The following PRSS41 variants were observed in gnomAD, a reference collection of about 807,000 sequenced individuals.
PRSS41 encodes the protein serine protease 41, also known as protease, serine 41.
A neutral mutation model predicts 28.8 loss-of-function variants in PRSS41; 37 were observed. The observed-to-expected ratio is 1.29, with a 90% CI of 0.99 to 1.69. PRSS41 has a LOEUF of 1.69. PRSS41 is among the 40% of genes most tolerant of loss of function. PRSS41 has a pLI of 0.00. For missense variants in PRSS41, 431 were observed against 400.7 expected, an observed-to-expected ratio of 1.08 and a Z score of -0.65; for synonymous variants, 195 against 163.1, an observed-to-expected ratio of 1.20 and a Z score of -1.49.
intron 4 of PRSS41, among the ~76,000 whole-genome samples, chr16:2,800,542 C>CAAAAAAA (rs56393015): frequency 1.2e-5 from 1 of 81,948 alleles, no homozygotes. Context: ...GACTCCATCT[C>CAAAAAAA]AAAAAAAAAA....
At chr16:2,799,357 G>A in exon 4 of PRSS41, 1 of 1,551,840 alleles carries the variant, frequency 6.4e-7, no homozygotes, top group Non-Finnish European at 8.7e-7. Flanking sequence ...TGGAACCTGC[G>A]GGCCTACAGC....
Position 2,799,416 on chromosome 16 carries a change from G to T in PRSS41, c.388G>T (p.Val130Phe), listed in dbSNP as rs1026606699. 3.9e-6 allele frequency: 6 copies of T among 1,552,058 alleles called. No individual in the cohort carries two copies. In the African/African-American group the frequency reaches 8.2e-5, roughly 21 times the overall value. ...CATTGTGAACCCTGACGCACTTGGGGTTTTACGCAATGACATTGCCCTGCT... is the reference window on the plus strand; with the variant it reads ...CATTGTGAACCCTGACGCACTTGGGTTTTTACGCAATGACATTGCCCTGCT... Residue 130 changes from valine (V) to phenylalanine (F), a missense_variant, in exon 4 of 6, where the codon GTT (valine) becomes TTT (phenylalanine). Transcript: ENST00000399677.
chr16:2,801,609 T>C (rs1486408164), intron 4 of PRSS41, among the ~76,000 whole-genome samples: 92 of 151,500 alleles, frequency 6.1e-4, no homozygotes, highest in East Asian at 1.6e-3. Flanking sequence ...TTAATCCATT[T>C]AACCCTGAGT....
chr16:2,802,391 T>C (rs1206567294), intron 4 of PRSS41, among the ~76,000 whole-genome samples: 1 of 146,190 alleles, frequency 6.8e-6, no homozygotes, highest in African/African-American at 2.6e-5. Flanking sequence ...GCTCCTCACT[T>C]TCCAGACTGG....
At chr16:2,804,142 A>G (rs543620685) in intron 4 of PRSS41, among the ~76,000 whole-genome samples, 110 of 152,302 alleles carry the variant, frequency 7.2e-4, no homozygotes, top group African/African-American at 2.6e-3. Flanking sequence ...TATCATCTCC[A>G]TTCTACAGAT....
chr16:2,799,883 A>G (rs560192197), intron 4 of PRSS41, among the ~76,000 whole-genome samples: 18 of 152,276 alleles, frequency 1.2e-4, no homozygotes, highest in Non-Finnish European at 2.4e-4. Flanking sequence ...CAGAAGCCTC[A>G]GGCAATGATT....
intron 4 of PRSS41, among the ~76,000 whole-genome samples, 177 bp downstream of exon 4, chr16:2,799,746 G>A (rs1461111010): frequency 1.3e-5 from 2 of 152,250 alleles, no homozygotes; most frequent in Non-Finnish European, 2.9e-5. Flanking sequence ...CCACCTGTCA[G>A]GGCAGGGACC....
chr16:2,805,024 C>G (rs1209244547), exon 6 of PRSS41: 3 of 1,563,856 alleles, frequency 1.9e-6, no homozygotes, highest in Non-Finnish European at 2.6e-6. Context: ...GTGTCTACAC[C>G]AACATCAGTG....
intron 3 of PRSS41, 51 bp from the exon 4 acceptor site, chr16:2,799,235 G>A: frequency 6.5e-7 from 1 of 1,537,652 alleles, no homozygotes. Flanking sequence ...GCGTGCTCAG[G>A]CGGCCAGCCC....
exon 6 of PRSS41, chr16:2,805,078 C>T (rs1276357406): frequency 6.4e-7 from 1 of 1,551,974 alleles, no homozygotes; most frequent in Non-Finnish European, 8.7e-7. Context: ...ACAGTACACC[C>T]AGGCCAAACC....
intron 4 of PRSS41, 144 bp downstream of exon 4, chr16:2,799,713 C>T (rs2068974633): frequency 7.0e-6 from 6 of 860,548 alleles, no homozygotes; most frequent in Non-Finnish European, 1.1e-5. Flanking sequence ...ATTCTCTCCT[C>T]ACTTGCTTTT....
chr16:2,799,815 G>A lies in PRSS41; in HGVS notation c.541+246G>A, dbSNP rs369491795. ...GGGGGCCAGCAGGACAGTGTGAGAG[G>A]GAGGCCAGCTTGGCCTGGGCCTGAA... On this transcript the variant is annotated intron_variant, in intron 4 of 5. Transcript: ENST00000399677. Among the ~76,000 whole-genome samples, 21 of 152,366 alleles carry A rather than the reference G, an allele frequency of 1.4e-4. No homozygotes were observed. The East Asian group carries it at 2.7e-3, about 20-fold the overall frequency.
In PRSS41 at chr16:2,799,795, C is replaced by T. The variant is rs573191889; in HGVS notation, c.541+226C>T. On this transcript the variant is annotated intron_variant, in intron 4 of 5. Coordinates refer to ENST00000399677, the Ensembl canonical transcript of PRSS41. ...TTCCCCCTTCCAGGGACTGTGGGGG[C>T]CAGCAGGACAGTGTGAGAGGGAGGC... 2.6e-5 allele frequency among the ~76,000 whole-genome samples: 4 copies of T among 152,344 alleles called. No individual in the cohort carries two copies. In the South Asian group the frequency reaches 6.2e-4, roughly 24 times the overall value.
chr16:2,799,491 A>G, exon 4 of PRSS41: 5 of 1,552,052 alleles, frequency 3.2e-6, no homozygotes, highest in Non-Finnish European at 4.4e-6. Flanking sequence ...GCCCATTTGC[A>G]TCGAGTCTTC....
At chr16:2,800,042 G>C (rs2068976279) in intron 4 of PRSS41, among the ~76,000 whole-genome samples, 1 of 152,206 alleles carries the variant, frequency 6.6e-6, no homozygotes, top group South Asian at 2.1e-4. Flanking sequence ...TTTCATCATT[G>C]TGTCAACATC....
chr16:2,804,044 G>A (rs577282566), intron 4 of PRSS41, among the ~76,000 whole-genome samples: 23 of 152,292 alleles, frequency 1.5e-4, no homozygotes, highest in African/African-American at 5.5e-4. Context: ...CAGCTGTCAT[G>A]TGTTAATCAT....
chr16:2,799,592 T>TGGGGTGATGGGGGTGC (rs1350174831), intron 4 of PRSS41, 23 bp downstream of exon 4: 2 of 1,548,502 alleles, frequency 1.3e-6, no homozygotes, highest in Non-Finnish European at 1.7e-6. Context: ...ATAGACCGGG[T>TGGGGTGATGGGGGTGC]GGGGTGATGG....
chr16:2,798,834 C>T, intron 2 of PRSS41, 125 bp from the exon 3 acceptor site: 1 of 1,262,914 alleles, frequency 7.9e-7, no homozygotes, highest in Non-Finnish European at 1.0e-6. Context: ...CCTAGCGTCA[C>T]CTTCTTGGCG....
intron 4 of PRSS41, among the ~76,000 whole-genome samples, chr16:2,803,037 A>G (rs2150800094): frequency 6.6e-6 from 1 of 152,142 alleles, no homozygotes; most frequent in East Asian, 1.9e-4. Flanking sequence ...CACTGGATCT[A>G]AAGTGACTCT....
Sources: gnomAD v4.1 joint callset for allele counts (sites outside exome capture counted in the v4.1 genomes callset) on GRCh38, gnomAD v4.1.1 for gene constraint, MANE v1.5 for transcripts, NCBI Gene and HGNC (gene_info 2026-07-23, HGNC 2026-07-21) for gene names.